Variants in USP6NL observed in about 807,000 individuals in gnomAD.
USP6NL encodes USP6 N-terminal-like protein.
Under a neutral mutation model 61.9 loss-of-function variants are expected in USP6NL, and 26 were observed. The observed-to-expected ratio is 0.42, with a 90% CI of 0.31 to 0.58. USP6NL has a LOEUF of 0.58. Among genes scored for constraint, USP6NL ranks in the 20% least tolerant of loss-of-function variants. USP6NL has a pLI of 0.16. For synonymous variants in USP6NL, 432 were observed against 390.1 expected, an observed-to-expected ratio of 1.11 and a Z score of -1.27; for missense variants, 1,114 against 1,034.3, an observed-to-expected ratio of 1.08 and a Z score of -1.06.
At position 11,501,207 on chromosome 10, in the gene USP6NL, A is replaced by G. The variant is rs751888357; in HGVS notation, c.278T>C (p.Phe93Ser). The change falls in exon 7 of 15, where the codon TTT becomes TCT. Residue 93 changes from phenylalanine to serine, a missense_variant and splice_region_variant. By Grantham distance (155) the Phe-to-Ser change is radical. Transcript: ENST00000609104. ...GWEKYKNTEK[F>S]HRRIYKGIPL... Reference sequence around the variant, plus strand: ...TATTCCTTTGTAAATTCGCCTATGAAACTTATTAAAAGAAAAAGAAACTGA... The same window carrying G: ...TATTCCTTTGTAAATTCGCCTATGAGACTTATTAAAAGAAAAAGAAACTGA... The G allele has an allele frequency of 6.2e-7, 1 of 1,604,700 alleles. No individual in the cohort carries two copies. The highest frequency in any genetic ancestry group is 8.5e-7 in the Non-Finnish European group (1 of 1,176,848).
At chr10:11,605,103 T>G (rs1838662816) in intron 1 of USP6NL, among the ~76,000 whole-genome samples, 1 of 152,106 alleles carries the variant, frequency 6.6e-6, no homozygotes, top group South Asian at 2.1e-4. Context: ...AACAAGACAG[T>G]GTGAAATTAC....
chr10:11,475,452 C>T (rs1832932086), intron 14 of USP6NL, among the ~76,000 whole-genome samples: 1 of 151,672 alleles, frequency 6.6e-6, no homozygotes, highest in Admixed American at 6.6e-5. Flanking sequence ...CAAAATTAGC[C>T]GGGCGTGGTG....
At position 11,478,530 on chromosome 10, in the gene USP6NL, G is replaced by C. The variant is rs995393919; in HGVS notation, c.1078+3240C>G. Among the ~76,000 whole-genome samples, 18 of 152,118 alleles carry C rather than the reference G, an allele frequency of 1.2e-4. No individual in the cohort carries two copies. Among genetic ancestry groups the C allele is most frequent in the Non-Finnish European group, 2.5e-4 (17 of 68,016 alleles). On this transcript the variant is annotated intron_variant, in intron 14 of 14. Coordinates refer to ENST00000609104, the MANE Select transcript of USP6NL (RefSeq NM_014688.5). The surrounding 1 kb of genome is among the most constrained non-coding windows in gnomAD (Gnocchi z 6.8). ...TCAATATTAATAAAATACTGTATCT[G>C]AATACCACTAAAATACTAGTGGATT...
At chr10:11,546,400 TTTTC>T (rs1836271793) in intron 2 of USP6NL, among the ~76,000 whole-genome samples, 2 of 152,228 alleles carry the variant, frequency 1.3e-5, no homozygotes, top group South Asian at 2.1e-4. Flanking sequence ...CAATTTGGAT[TTTTC>T]TTTATTTTAT....
At chr10:11,521,669 C>G (rs974121532) in intron 4 of USP6NL, among the ~76,000 whole-genome samples, 1 of 152,102 alleles carries the variant, frequency 6.6e-6, no homozygotes, top group South Asian at 2.1e-4. Flanking sequence ...CGTAAGCCAC[C>G]GCGCCCGGCC....
In USP6NL at chr10:11,496,493, G is replaced by C. The variant is rs1833929370; in HGVS notation, c.385-3265C>G. ...CCCATTTTCTTATTTCTGTGGGTTT[G>C]CCTTTTTATAATAAAAACTCTGCTA... On this transcript the variant is annotated intron_variant, in intron 7 of 14. Transcript: ENST00000609104. This position sits in a 1 kb window ranked among gnomAD's most constrained non-coding sequence, Gnocchi z 5.4. Among the ~76,000 whole-genome samples, 1 of 152,134 alleles carries C rather than the reference G, an allele frequency of 6.6e-6. No individual in the cohort carries two copies. The highest frequency in any genetic ancestry group is 1.5e-5 in the Non-Finnish European group (1 of 68,004).
chr10:11,475,930 C>T (rs1832953339), intron 14 of USP6NL, among the ~76,000 whole-genome samples: 1 of 152,174 alleles, frequency 6.6e-6, no homozygotes, highest in Non-Finnish European at 1.5e-5. Context: ...TAAACTGCTA[C>T]ATCTAGCTTC....
intron 10 of USP6NL, among the ~76,000 whole-genome samples, chr10:11,488,378 C>T (rs913119263): frequency 6.6e-6 from 1 of 152,182 alleles, no homozygotes. Flanking sequence ...CACTGCACTC[C>T]AGCCTGGGTG....
intron 2 of USP6NL, among the ~76,000 whole-genome samples, chr10:11,558,063 T>C (rs1836782695): frequency 6.6e-6 from 1 of 152,220 alleles, no homozygotes; most frequent in Non-Finnish European, 1.5e-5. Flanking sequence ...AGGAAGGTTG[T>C]GGAGAACTCT....
rs1033088157 is a variant in USP6NL at position 11,478,777 on chromosome 10, C to T, written c.1078+2993G>A. On this transcript the variant is annotated intron_variant, in intron 14 of 14. Coordinates refer to ENST00000609104, the MANE Select transcript of USP6NL (RefSeq NM_014688.5). The surrounding 1 kb of genome is among the most constrained non-coding windows in gnomAD (Gnocchi z 6.8). ...AAAATTACCCAGGAGTGGTGGCATGCACCTGTAGTCCCAGCTACCTGGGGA... is the reference window on the plus strand; with the variant it reads ...AAAATTACCCAGGAGTGGTGGCATGTACCTGTAGTCCCAGCTACCTGGGGA... 6.6e-6 allele frequency among the ~76,000 whole-genome samples: 1 copy of T among 152,022 alleles called. No individual in the cohort carries two copies. Among genetic ancestry groups the T allele is most frequent in the Non-Finnish European group, 1.5e-5 (1 of 67,996 alleles).
intron 2 of USP6NL, among the ~76,000 whole-genome samples, chr10:11,588,521 T>TA (rs1838053607): frequency 6.6e-6 from 1 of 152,146 alleles, no homozygotes; most frequent in African/African-American, 2.4e-5. Flanking sequence ...TTAAAATAAA[T>TA]AATTGATCCC....
chr10:11,566,293 C>T (rs928935021), intron 2 of USP6NL, among the ~76,000 whole-genome samples: 2 of 152,176 alleles, frequency 1.3e-5, no homozygotes, highest in Admixed American at 6.5e-5. Flanking sequence ...TAAACAGTTT[C>T]TCAAAGGGCA....
intron 1 of USP6NL, among the ~76,000 whole-genome samples, chr10:11,609,890 T>C (rs1264043585): frequency 6.6e-6 from 1 of 152,204 alleles, no homozygotes; most frequent in Admixed American, 6.5e-5. Flanking sequence ...TAGGAGCTAT[T>C]TGCATGTCAA....
rs1833613878 is a variant in USP6NL at position 11,489,357 on chromosome 10, C to T, written c.544-135G>A. 4 of 1,153,540 alleles carry T rather than the reference C, an allele frequency of 3.5e-6. No individual in the cohort carries two copies. Among genetic ancestry groups the T allele is most frequent in the Non-Finnish European group, 4.8e-6 (4 of 841,334 alleles). The allele number at this position is 1,153,540 out of a possible 1,614,324, so 71.5% of individuals were successfully genotyped here. A position where few individuals can be genotyped will look rare whatever the true frequency, so the allele number is the denominator to read the frequency against. Reference sequence around the variant, plus strand: ...TAATGGTCCATTCTAGAGACAAATACTATACTCTTTACAGTATTATGCCAC... The same window carrying T: ...TAATGGTCCATTCTAGAGACAAATATTATACTCTTTACAGTATTATGCCAC... On this transcript the variant is annotated intron_variant, in intron 9 of 14. Transcript: ENST00000609104. This position sits in a 1 kb window ranked among gnomAD's most constrained non-coding sequence, Gnocchi z 5.7.
intron 14 of USP6NL, among the ~76,000 whole-genome samples, chr10:11,473,953 G>T (rs1223313867): frequency 6.6e-6 from 1 of 152,102 alleles, no homozygotes; most frequent in Non-Finnish European, 1.5e-5. Context: ...GGCGACGAGG[G>T]TCTAAGGAAT....
intron 2 of USP6NL, among the ~76,000 whole-genome samples, chr10:11,576,880 T>G (rs959726639): frequency 4.6e-5 from 7 of 152,186 alleles, no homozygotes; most frequent in African/African-American, 1.7e-4. Context: ...AATCACCTAA[T>G]AAGTTCCCTG....
intron 4 of USP6NL, among the ~76,000 whole-genome samples, chr10:11,522,541 T>C (rs2133387189): frequency 6.6e-6 from 1 of 152,362 alleles, no homozygotes; most frequent in South Asian, 2.1e-4. Flanking sequence ...TGAAATTTAA[T>C]AAGGCTTGAC....
At position 11,598,235 on chromosome 10, in the gene USP6NL, CAAT is replaced by C. The variant is rs536330763; in HGVS notation, c.-83-521_-83-519del. Among the ~76,000 whole-genome samples the C allele has an allele frequency of 7.7e-4, 117 of 152,240 alleles. No homozygotes were observed. The highest frequency in any genetic ancestry group is 2.8e-3 in the African/African-American group (116 of 41,552). ...ATTGTTTTAAAAACAAAAAGAATAA[CAAT>C]AAGGTAAACTTCTCTCATAACATAT... On this transcript the variant is annotated intron_variant, in intron 1 of 14. Transcript: ENST00000609104. The surrounding 1 kb of genome is among the most constrained non-coding windows in gnomAD (Gnocchi z 4.7).
Position 11,537,069 on chromosome 10 carries a change from A to C in USP6NL, c.5-9502T>G, listed in dbSNP as rs1251012873. 6.6e-6 allele frequency among the ~76,000 whole-genome samples: 1 copy of C among 152,148 alleles called. No individual in the cohort carries two copies. Among genetic ancestry groups the C allele is most frequent in the Non-Finnish European group, 1.5e-5 (1 of 68,034 alleles). On this transcript the variant is annotated intron_variant, in intron 2 of 14. Coordinates refer to ENST00000609104, the MANE Select transcript of USP6NL (RefSeq NM_014688.5). This position sits in a 1 kb window ranked among gnomAD's most constrained non-coding sequence, Gnocchi z 5.1. ...ATTTTCTCTTCAGAAGAGCCACACAAGTTCCATACATATCTTCATATTCCT... is the reference window on the plus strand; with the variant it reads ...ATTTTCTCTTCAGAAGAGCCACACACGTTCCATACATATCTTCATATTCCT...
Sources: gnomAD v4.1 joint callset for allele counts (sites outside exome capture counted in the v4.1 genomes callset) on GRCh38, gnomAD v4.1.1 for gene constraint, Gnocchi (gnomAD v3.1) non-coding constraint, MANE v1.5 for transcripts, NCBI Gene and HGNC (gene_info 2026-07-23, HGNC 2026-07-21) for gene names.